Variants in FAM114A1 observed in about 807,000 individuals in gnomAD.
FAM114A1 encodes the protein protein NOXP20.
Under a neutral mutation model 64.3 loss-of-function variants are expected in FAM114A1, and 62 were observed. The observed-to-expected ratio is 0.96, with a 90% CI of 0.79 to 1.19. FAM114A1 has a LOEUF of 1.19. Among genes scored for constraint, FAM114A1 ranks in the 50% most tolerant of loss-of-function variants. The pLI is 0.00. For synonymous variants in FAM114A1, 254 were observed against 251.1 expected, an observed-to-expected ratio of 1.01 and a Z score of -0.11; for missense variants, 645 against 676.3, an observed-to-expected ratio of 0.95 and a Z score of 0.51.
At chr4:38,889,870 G>A (rs1189265695) in intron 3 of FAM114A1, among the ~76,000 whole-genome samples, 1 of 152,096 alleles carries the variant, frequency 6.6e-6, no homozygotes, top group Non-Finnish European at 1.5e-5. Context: ...ACTTATGTTG[G>A]TTTAGTAGCT....
chr4:38,884,845 T>C (rs912393558), intron 3 of FAM114A1, among the ~76,000 whole-genome samples: 1 of 152,154 alleles, frequency 6.6e-6, no homozygotes, highest in Non-Finnish European at 1.5e-5. Context: ...TTCCCCAGAG[T>C]TGAAAGATGG....
chr4:38,893,777 G>A (rs542296266), intron 4 of FAM114A1, among the ~76,000 whole-genome samples: 1 of 152,304 alleles, frequency 6.6e-6, no homozygotes, highest in Non-Finnish European at 1.5e-5. Context: ...CACACATGCA[G>A]CTTTGGTTCC....
At chr4:38,890,707 G>A (rs1164120360) in intron 3 of FAM114A1, among the ~76,000 whole-genome samples, 1 of 152,186 alleles carries the variant, frequency 6.6e-6, no homozygotes, top group African/African-American at 2.4e-5. Flanking sequence ...TTGGTTGCAA[G>A]TAACAGAAAC....
chr4:38,902,151 T>G (rs1717581294), intron 4 of FAM114A1, among the ~76,000 whole-genome samples: 1 of 152,208 alleles, frequency 6.6e-6, no homozygotes, highest in South Asian at 2.1e-4. Flanking sequence ...TGTCACTGAT[T>G]GGCTTTAGGA....
At chr4:38,931,755 A>T in intron 11 of FAM114A1, 143 bp downstream of exon 11, 2 of 756,142 alleles carry the variant, frequency 2.6e-6, no homozygotes, top group Non-Finnish European at 4.0e-6. Flanking sequence ...AGCCTGGCCA[A>T]CATGGTGAAA....
intron 4 of FAM114A1, among the ~76,000 whole-genome samples, chr4:38,898,128 A>C (rs1187510497): frequency 1.3e-5 from 2 of 152,212 alleles, no homozygotes; most frequent in Non-Finnish European, 2.9e-5. Context: ...AGAGCTCTAT[A>C]GTAGAATACA....
chr4:38,930,475 T>C (rs6531683), intron 10 of FAM114A1, among the ~76,000 whole-genome samples: 66,209 of 151,888 alleles, frequency 0.44, 15,026 homozygotes, highest in South Asian at 0.61. Flanking sequence ...CCGTGCAGCA[T>C]CTGCCACTGC....
chr4:38,943,212 ATT>A (rs1721708783), intron 14 of FAM114A1, among the ~76,000 whole-genome samples: 1 of 149,698 alleles, frequency 6.7e-6, no homozygotes, highest in African/African-American at 2.5e-5. Context: ...AAAAAAAAAA[ATT>A]CCATGAAAAT....
intron 9 of FAM114A1, 190 bp from the exon 10 acceptor site, chr4:38,929,052 C>T: frequency 1.8e-6 from 1 of 568,182 alleles, no homozygotes; most frequent in Non-Finnish European, 3.2e-6. Context: ...GGCCCTGCAC[C>T]CGGATGCATC....
chr4:38,915,606 C>T lies in FAM114A1; in HGVS notation c.945+533C>T, dbSNP rs185800838. 9.5e-4 allele frequency among the ~76,000 whole-genome samples: 145 copies of T among 152,246 alleles called. 1 individual carries two copies. The highest frequency in any genetic ancestry group is 3.4e-3 in the African/African-American group (140 of 41,536). ...TTAAGGTTCTATTAGGGAATGCTCC[C>T]GTACACACACCTGGGAAACCCAGCC... On this transcript the variant is annotated intron_variant, in intron 8 of 14. Transcript: ENST00000358869.
At chr4:38,924,058 G>C (rs1314060608) in intron 9 of FAM114A1, among the ~76,000 whole-genome samples, 1 of 152,138 alleles carries the variant, frequency 6.6e-6, no homozygotes, top group African/African-American at 2.4e-5. Context: ...ACCTTTGGAA[G>C]GGTCCCATTT....
At chr4:38,892,564 A>G (rs1412026929) in intron 4 of FAM114A1, among the ~76,000 whole-genome samples, 1 of 152,188 alleles carries the variant, frequency 6.6e-6, no homozygotes, top group Non-Finnish European at 1.5e-5. Flanking sequence ...GATATTCTTC[A>G]TGTTACCATT....
At chr4:38,899,005 GTA>G (rs1488936583) in intron 4 of FAM114A1, among the ~76,000 whole-genome samples, 3 of 140,464 alleles carry the variant, frequency 2.1e-5, no homozygotes, top group Non-Finnish European at 3.0e-5. Context: ...TATATATGTA[GTA>G]TAAGTTTCAT....
In FAM114A1 at chr4:38,927,737, G is replaced by C. The variant is rs1462592745; in HGVS notation, c.1070-1505G>C. On this transcript the variant is annotated intron_variant, in intron 9 of 14. Transcript: ENST00000358869. The stretch of plus-strand genomic sequence containing the variant: ...CTTGCTCTGTCACCCAGGCTAGAGT[G>C]CAGTGGCATGATCTCCGCTCACTGC... 6.6e-5 allele frequency among the ~76,000 whole-genome samples: 10 copies of C among 152,224 alleles called. No individual in the cohort carries two copies. In the East Asian group the frequency reaches 1.7e-3, roughly 26 times the overall value.
At position 38,938,083 on chromosome 4, in the gene FAM114A1, A is replaced by G. The variant is rs1721262850; in HGVS notation, c.1536+2293A>G. 2.0e-5 allele frequency among the ~76,000 whole-genome samples: 3 copies of G among 152,184 alleles called. No individual in the cohort carries two copies. In the South Asian group the frequency reaches 6.2e-4, roughly 32 times the overall value. On this transcript the variant is annotated intron_variant, in intron 13 of 14. Coordinates refer to ENST00000358869, the MANE Select transcript of FAM114A1 (RefSeq NM_138389.4). ...GCTGCTATTAATGTGACTCAGTGACAGCAGTTCCTAACCCTGTGTCTTTCC... is the reference window on the plus strand; with the variant it reads ...GCTGCTATTAATGTGACTCAGTGACGGCAGTTCCTAACCCTGTGTCTTTCC...
intron 13 of FAM114A1, among the ~76,000 whole-genome samples, chr4:38,938,870 T>C (rs1721327838): frequency 6.6e-6 from 1 of 152,250 alleles, no homozygotes; most frequent in East Asian, 1.9e-4. Flanking sequence ...TGAATGTCTG[T>C]GTGCATGTTT....
chr4:38,887,751 G>A (rs886186155), intron 3 of FAM114A1, among the ~76,000 whole-genome samples: 2 of 152,114 alleles, frequency 1.3e-5, no homozygotes, highest in East Asian at 3.8e-4. Flanking sequence ...GTTGAATGAT[G>A]CATACTTACC....
chr4:38,884,685 T>C lies in FAM114A1; in HGVS notation c.348+6259T>C, dbSNP rs371280343. ...TAATTAACAAGAGAGTTGAAAATGGTGTATGAGAACTCTTTCTCATGTAGG... is the reference window on the plus strand; with the variant it reads ...TAATTAACAAGAGAGTTGAAAATGGCGTATGAGAACTCTTTCTCATGTAGG... On this transcript the variant is annotated intron_variant, in intron 3 of 14. Transcript: ENST00000358869. Among the ~76,000 whole-genome samples the C allele has an allele frequency of 5.4e-4, 83 of 152,320 alleles. 1 individual carries two copies. In the Middle Eastern group the frequency reaches 0.01, roughly 19 times the overall value.
chr4:38,868,032 G>T, intron 1 of FAM114A1, 198 bp downstream of exon 1: 2 of 425,764 alleles, frequency 4.7e-6, no homozygotes, highest in South Asian at 1.7e-5. Flanking sequence ...GCGCGGCCGA[G>T]GGACCTGCGT....
Sources: gnomAD v4.1 joint callset for allele counts (sites outside exome capture counted in the v4.1 genomes callset) on GRCh38, gnomAD v4.1.1 for gene constraint, MANE v1.5 for transcripts, NCBI Gene and HGNC (gene_info 2026-07-23, HGNC 2026-07-21) for gene names.